Variants in SLC7A6 observed in about 807,000 individuals in gnomAD.
SLC7A6 encodes Y+L amino acid transporter 2.
In SLC7A6, 29 loss-of-function variants were observed where a neutral mutation model predicts 46.6. The ratio of observed to expected loss-of-function variants is 0.62; its 90% CI spans 0.46 to 0.85. SLC7A6 has a LOEUF of 0.85. Ranked by LOEUF, SLC7A6 falls within the 40% of genes least tolerant of loss-of-function variation. The pLI is 0.00. For missense variants in SLC7A6, 527 were observed against 647.6 expected, an observed-to-expected ratio of 0.81 and a Z score of 2.02; for synonymous variants, 276 against 257.3, an observed-to-expected ratio of 1.07 and a Z score of -0.70.
chr16:68,270,732 C>T (rs2042610014), intron 2 of SLC7A6, among the ~76,000 whole-genome samples: 1 of 152,186 alleles, frequency 6.6e-6, no homozygotes, highest in African/African-American at 2.4e-5. Context: ...CAGTTTCAAT[C>T]TAGTTGGTTG....
chr16:68,285,203 C>T (rs1201672173), intron 3 of SLC7A6, among the ~76,000 whole-genome samples: 1 of 152,154 alleles, frequency 6.6e-6, no homozygotes, highest in Non-Finnish European at 1.5e-5. Context: ...CTGTTAGATT[C>T]AGTTTCTTGG....
intron 3 of SLC7A6, among the ~76,000 whole-genome samples, chr16:68,280,262 GGGGTCC>G (rs1382982410): frequency 1.3e-5 from 2 of 152,154 alleles, no homozygotes; most frequent in African/African-American, 4.8e-5. Flanking sequence ...AGGCATGAGA[GGGGTCC>G]GGCTTGTTGG....
At chr16:68,290,659 C>T in intron 5 of SLC7A6, 119 bp downstream of exon 5, 3 of 1,217,180 alleles carry the variant, frequency 2.5e-6, no homozygotes, top group East Asian at 2.4e-5. Context: ...TCTCCCTACT[C>T]CCCCTTCTCC....
At chr16:68,290,918 T>C in intron 5 of SLC7A6, 2 of 482,870 alleles carry the variant, frequency 4.1e-6, no homozygotes, top group African/African-American at 1.9e-5. Flanking sequence ...CAGGACACTG[T>C]TCCTTGCACT....
Position 68,299,473 on chromosome 16 carries a change from A to C in SLC7A6, c.*2145A>C, listed in dbSNP as rs565528345. 1 of 152,748 alleles carries C rather than the reference A, an allele frequency of 6.5e-6. No homozygotes were observed. Among genetic ancestry groups the C allele is most frequent in the Non-Finnish European group, 1.5e-5 (1 of 68,028 alleles). 9.5% of individuals were successfully genotyped at this position (152,748 alleles called of 1,614,324 possible). A position where few individuals can be genotyped will look rare whatever the true frequency, so the allele number is the denominator to read the frequency against. On this transcript the variant is annotated 3_prime_UTR_variant, in exon 11 of 11. Transcript: ENST00000219343. The stretch of plus-strand genomic sequence containing the variant: ...CCCAGGATCCTCTCTTTGGGAGCGA[A>C]GCCAGAGGATCCCTACAGCACTCAA...
chr16:68,288,099 G>T (rs2042975614), intron 4 of SLC7A6, among the ~76,000 whole-genome samples: 1 of 152,206 alleles, frequency 6.6e-6, no homozygotes, highest in African/African-American at 2.4e-5. Context: ...TTTGGTGGAG[G>T]CTGGGAGCAT....
Position 68,297,527 on chromosome 16 carries a change from A to T in SLC7A6, c.*199A>T. 50 of 212,590 alleles carry T rather than the reference A, an allele frequency of 2.4e-4. No individual in the cohort carries two copies. Among genetic ancestry groups the T allele is most frequent in the East Asian group, 5.3e-4 (4 of 7,546 alleles). The allele number at this position is 212,590 out of a possible 1,614,324, so 13.2% of individuals were successfully genotyped here. ...GGGCCAACCTCAAGGTGGGGGCTTC[A>T]GAGGGTGGGGGGAAGATTGGGGAAC... On this transcript the variant is annotated 3_prime_UTR_variant, in exon 11 of 11. Coordinates refer to ENST00000219343, the MANE Select transcript of SLC7A6 (RefSeq NM_003983.6).
rs754351170 is a variant in SLC7A6 at position 68,301,249 on chromosome 16, A to G, written c.*3921A>G. ...CTCAGAGCCCTCAAGGGCATGTGGC[A>G]GAACCTCATGGACATCACAAGACCA... On this transcript the variant is annotated 3_prime_UTR_variant, in exon 11 of 11. Coordinates refer to ENST00000219343, the MANE Select transcript of SLC7A6 (RefSeq NM_003983.6). 11 of 1,610,552 alleles carry G rather than the reference A, an allele frequency of 6.8e-6. No homozygotes were observed. The Admixed American group carries it at 1.8e-4, about 27-fold the overall frequency.
At chr16:68,279,307 A>T (rs1009158506) in intron 3 of SLC7A6, among the ~76,000 whole-genome samples, 2 of 152,166 alleles carry the variant, frequency 1.3e-5, no homozygotes, top group African/African-American at 4.8e-5. Flanking sequence ...ATGCCACTGC[A>T]CTCCAGCCTA....
At chr16:68,284,612 T>G (rs528077015) in intron 3 of SLC7A6, 1 of 983,182 alleles carries the variant, frequency 1.0e-6, no homozygotes, top group African/African-American at 1.7e-5. Context: ...TATGGCAGGA[T>G]AGAAGGAAGG....
At chr16:68,279,002 T>G (rs1192874238) in intron 3 of SLC7A6, among the ~76,000 whole-genome samples, 1 of 151,946 alleles carries the variant, frequency 6.6e-6, no homozygotes, top group African/African-American at 2.4e-5. Context: ...ACCTCCCTCC[T>G]GGATGGGGCG....
intron 1 of SLC7A6, chr16:68,265,396 G>T (rs1179866847): frequency 6.6e-6 from 1 of 152,184 alleles, no homozygotes; most frequent in African/African-American, 2.4e-5. Context: ...CAGGGTGTCG[G>T]CGAACACGTT....
intron 2 of SLC7A6, among the ~76,000 whole-genome samples, chr16:68,269,407 C>T (rs991658321): frequency 6.6e-6 from 1 of 152,128 alleles, no homozygotes; most frequent in African/African-American, 2.4e-5. Flanking sequence ...GGGTACAGCT[C>T]TTCTTTGCTA....
rs756651098 is a variant in SLC7A6 at position 68,266,088 on chromosome 16, G to A, written c.-165-505G>A. ...ATCCTGGCTAACATGGTGAAATCCCGTCTCTACTAAAAATACAAAAATTGA... is the reference window on the plus strand; with the variant it reads ...ATCCTGGCTAACATGGTGAAATCCCATCTCTACTAAAAATACAAAAATTGA... On this transcript the variant is annotated intron_variant, in intron 1 of 10. Coordinates refer to ENST00000219343, the MANE Select transcript of SLC7A6 (RefSeq NM_003983.6). 8.0e-4 allele frequency among the ~76,000 whole-genome samples: 122 copies of A among 152,064 alleles called. 1 individual carries two copies. Among genetic ancestry groups the A allele is most frequent in the Admixed American group, 1.4e-3 (22 of 15,268 alleles).
intron 1 of SLC7A6, among the ~76,000 whole-genome samples, chr16:68,266,134 C>A (rs1449992123): frequency 6.6e-6 from 1 of 152,050 alleles, no homozygotes; most frequent in South Asian, 2.1e-4. Flanking sequence ...GTGGTGGGCA[C>A]CTGTAGTCCC....
chr16:68,280,714 T>C lies in SLC7A6; in HGVS notation c.523+5465T>C, dbSNP rs555518172. On this transcript the variant is annotated intron_variant, in intron 3 of 10. Coordinates refer to ENST00000219343, the MANE Select transcript of SLC7A6 (RefSeq NM_003983.6). ...TCTCCAAGTGTTGGGATTACAGGCA[T>C]GAGCCTCTGTGGAGGGCTCTGGCTC... Among the ~76,000 whole-genome samples the C allele has an allele frequency of 2.3e-4, 35 of 151,928 alleles. 1 individual carries two copies. Among genetic ancestry groups the C allele is most frequent in the African/African-American group, 7.7e-4 (32 of 41,442 alleles).
intron 2 of SLC7A6, among the ~76,000 whole-genome samples, chr16:68,274,277 AGCCT>A (rs1346484577): frequency 6.6e-6 from 1 of 152,206 alleles, no homozygotes; most frequent in Non-Finnish European, 1.5e-5. Flanking sequence ...GACAGTGAGA[AGCCT>A]TTTAGGCTGG....
At chr16:68,270,125 A>T (rs1260225426) in intron 2 of SLC7A6, among the ~76,000 whole-genome samples, 1 of 152,136 alleles carries the variant, frequency 6.6e-6, no homozygotes, top group Non-Finnish European at 1.5e-5. Context: ...TCTCAGTGGT[A>T]GACTACTGTT....
rs1299311805 is a variant in SLC7A6, at chr16:68,264,571, T to G, written c.-171T>G. The G allele has an allele frequency of 2.0e-5, 3 of 151,952 alleles. No individual in the cohort carries two copies. Among genetic ancestry groups the G allele is most frequent in the Non-Finnish European group, 4.4e-5 (3 of 67,936 alleles). The allele number at this position is 151,952 out of a possible 1,614,324, so 9.4% of individuals were successfully genotyped here. A position where few individuals can be genotyped will look rare whatever the true frequency, so the allele number is the denominator to read the frequency against. On this transcript the variant is annotated 5_prime_UTR_variant, in exon 1 of 11. Coordinates refer to ENST00000219343, the MANE Select transcript of SLC7A6 (RefSeq NM_003983.6). This position sits in a 1 kb window ranked among gnomAD's most constrained non-coding sequence, Gnocchi z 5.8. ...GAGCATCCTGGCGGCGCCGGGCCAC[T>G]GGGAGGTAACGGGCTGGGCCATGGG...
Sources: allele counts gnomAD v4.1 joint callset (sites outside exome capture counted in the v4.1 genomes callset), GRCh38; gene constraint gnomAD v4.1.1; non-coding constraint Gnocchi (gnomAD v3.1); transcripts MANE v1.5; gene names NCBI Gene and HGNC (gene_info 2026-07-23, HGNC 2026-07-21).